CDH2: variants seen among roughly 807,000 people sequenced by gnomAD.
CDH2 encodes cadherin-2.
Under a neutral mutation model 92.0 loss-of-function variants are expected in CDH2, and 17 were observed. The observed-to-expected ratio is 0.18, with a 90% CI of 0.13 to 0.28. The LOEUF (loss-of-function observed/expected upper bound fraction) is 0.28, where lower values mean the gene tolerates loss of function less well. Ranked by LOEUF, CDH2 falls within the 10% of genes least tolerant of loss-of-function variation. The pLI is 1.00. For missense variants in CDH2, 862 were observed against 1,133.1 expected (o/e 0.76, Z 3.44); for synonymous variants, 419 against 415.9 (o/e 1.01, Z -0.09).
intron 6 of CDH2, among the ~76,000 whole-genome samples, 190 bp downstream of exon 6, chr18:28,005,659 T>TA: frequency 6.9e-6 from 1 of 144,104 alleles, no homozygotes; most frequent in Admixed American, 6.8e-5. Flanking sequence ...ATAAGAAGGA[T>TA]TTTTTTTTTG....
intron 2 of CDH2, among the ~76,000 whole-genome samples, chr18:28,129,052 T>C (rs1333128975): frequency 3.3e-5 from 5 of 152,220 alleles, no homozygotes. Flanking sequence ...TTTTCAGATA[T>C]ATCCCAGTCC....
intron 2 of CDH2, among the ~76,000 whole-genome samples, chr18:28,145,352 G>A (rs2016019221): frequency 6.6e-6 from 1 of 152,018 alleles, no homozygotes; most frequent in Non-Finnish European, 1.5e-5. Context: ...TACCTCTTAT[G>A]TACAATTACT....
At chr18:27,999,026 AAC>A (rs1198120566) in intron 7 of CDH2, among the ~76,000 whole-genome samples, 1 of 152,232 alleles carries the variant, frequency 6.6e-6, no homozygotes, top group African/African-American at 2.4e-5. Context: ...CTTTCTGTGT[AAC>A]ACAGTCTATA....
rs1349904773 is a variant in CDH2, at chr18:27,943,910, G to C, written c.1152-10786C>G. On this transcript the variant is annotated intron_variant, in intron 6 of 6. Transcript: ENST00000675173. ...TTACTAGTGCAGTGGTATGAAACTA[G>C]GTATTCCAGGTGAAAAAACTGTGGG... Among the ~76,000 whole-genome samples, 4 of 152,048 alleles carry C rather than the reference G, an allele frequency of 2.6e-5. No individual in the cohort carries two copies. In the East Asian group the frequency reaches 7.7e-4, roughly 29 times the overall value.
intron 2 of CDH2, among the ~76,000 whole-genome samples, chr18:28,025,623 GAC>G (rs1489052667): frequency 6.6e-6 from 1 of 151,098 alleles, no homozygotes; most frequent in African/African-American, 2.4e-5. Flanking sequence ...AATTTTAATT[GAC>G]ACATAATTAT....
At chr18:27,942,557 G>A (rs1256172485) in intron 6 of CDH2, among the ~76,000 whole-genome samples, 4 of 152,190 alleles carry the variant, frequency 2.6e-5, no homozygotes, top group Non-Finnish European at 5.9e-5. Context: ...CAAGGCACTT[G>A]AGGATGTTGC....
At chr18:28,009,650 C>T in intron 5 of CDH2, 67 bp downstream of exon 5, 1 of 1,415,196 alleles carries the variant, frequency 7.1e-7, no homozygotes, top group East Asian at 2.3e-5. Context: ...ATATAAGAGG[C>T]AATGGTAAAC....
chr18:28,076,496 T>C (rs957879123), intron 2 of CDH2, among the ~76,000 whole-genome samples: 5 of 152,200 alleles, frequency 3.3e-5, no homozygotes, highest in African/African-American at 1.2e-4. Flanking sequence ...GACTTGCATA[T>C]GATAATTGCT....
chr18:28,104,178 T>C (rs1177658812), intron 2 of CDH2, among the ~76,000 whole-genome samples: 4 of 152,196 alleles, frequency 2.6e-5, no homozygotes, highest in East Asian at 1.9e-4. Flanking sequence ...AGAACTACTA[T>C]AAACACTCTT....
rs191519813 is a variant in CDH2 at position 28,070,536 on chromosome 18, C to A, written c.173-56627G>T. The stretch of plus-strand genomic sequence containing the variant: ...AAAGGAGACAGGGAGAGGATGCCGA[C>A]CAAACTGCCAAGCTAATGCATCTGA... On this transcript the variant is annotated intron_variant, in intron 2 of 15. Transcript: ENST00000269141. Among the ~76,000 whole-genome samples, 245 of 152,256 alleles carry A rather than the reference C, an allele frequency of 1.6e-3. 2 individuals are homozygous for A. The highest frequency in any genetic ancestry group is 5.6e-3 in the African/African-American group (234 of 41,544).
intron 14 of CDH2, among the ~76,000 whole-genome samples, chr18:27,972,477 T>C (rs1190912779): frequency 6.6e-6 from 1 of 152,178 alleles, no homozygotes; most frequent in Non-Finnish European, 1.5e-5. Context: ...GCAGTGTCCA[T>C]TTCATGGAGT....
intron 14 of CDH2, among the ~76,000 whole-genome samples, chr18:27,981,888 A>G (rs1342254188): frequency 2.0e-5 from 3 of 152,192 alleles, no homozygotes; most frequent in African/African-American, 7.2e-5. Flanking sequence ...AGCCAGTAGA[A>G]ATCAGATAAC....
intron 2 of CDH2, among the ~76,000 whole-genome samples, chr18:28,044,078 G>C (rs2014020673): frequency 6.6e-6 from 1 of 151,372 alleles, no homozygotes; most frequent in Non-Finnish European, 1.5e-5. Flanking sequence ...ACGCCCAGCT[G>C]ATTTTTATAT....
intron 1 of CDH2, among the ~76,000 whole-genome samples, chr18:28,169,567 T>C (rs919241830): frequency 6.6e-6 from 1 of 152,192 alleles, no homozygotes; most frequent in African/African-American, 2.4e-5. Flanking sequence ...ATACATGTTT[T>C]AAATTATAAT....
downstream of CDH2, among the ~76,000 whole-genome samples, chr18:27,946,726 C>T (rs1909276310): frequency 6.6e-6 from 1 of 151,918 alleles, no homozygotes; most frequent in Non-Finnish European, 1.5e-5. Flanking sequence ...CCACATATAA[C>T]TTAAAATTCC....
In CDH2 at chr18:27,985,091, G is replaced by T; in HGVS notation, c.2118C>A (p.Asn706Lys). The change falls in exon 13 of 16, where the codon AAC becomes AAA. Residue 706 changes from asparagine to lysine, a missense_variant. Transcript: ENST00000269141. ...LRVKVCQCDS[N>K]GDCTDVDRIV... ...TCCTGTCCACATCTGTGCAGTCCCC[G>T]TTGGAGTCACACTGGCAAACCTTCA... The T allele has an allele frequency of 6.2e-7, 1 of 1,614,074 alleles. No individual in the cohort carries two copies. The highest frequency in any genetic ancestry group is 8.5e-7 in the Non-Finnish European group (1 of 1,179,960).
chr18:27,947,771 A>ATC (rs1160708291), downstream of CDH2, among the ~76,000 whole-genome samples: 1 of 111,812 alleles, frequency 8.9e-6, no homozygotes, highest in Non-Finnish European at 1.9e-5. Context: ...AGTATATGTG[A>ATC]TATAAGTATA....
intron 1 of CDH2, among the ~76,000 whole-genome samples, chr18:28,174,424 G>A (rs752545387): frequency 6.6e-6 from 1 of 152,074 alleles, no homozygotes; most frequent in Non-Finnish European, 1.5e-5. Flanking sequence ...CTCATGTTGC[G>A]TAAACTGCTC....
At chr18:27,946,653 T>C (rs1365785125), downstream of CDH2, among the ~76,000 whole-genome samples, 1 of 152,040 alleles carries the variant, frequency 6.6e-6, no homozygotes, top group Non-Finnish European at 1.5e-5. Flanking sequence ...TTACTTATTG[T>C]AGGCTAGCAT....
Sources: gnomAD v4.1 joint callset for allele counts (sites outside exome capture counted in the v4.1 genomes callset) on GRCh38, gnomAD v4.1.1 for gene constraint, MANE v1.5 for transcripts, NCBI Gene and HGNC (gene_info 2026-07-23, HGNC 2026-07-21) for gene names.